JAZF1: variants seen among roughly 807,000 people sequenced by gnomAD.
JAZF1 encodes the protein juxtaposed with another zinc finger protein 1.
In JAZF1, 8 loss-of-function variants were observed where a neutral mutation model predicts 26.4. That is an observed-to-expected ratio of 0.30 (90% CI 0.18 to 0.55). The LOEUF (loss-of-function observed/expected upper bound fraction) is 0.55, where lower values mean the gene tolerates loss of function less well. Ranked by LOEUF, JAZF1 falls within the 20% of genes least tolerant of loss-of-function variation. The pLI is 0.94. For synonymous variants in JAZF1, 126 were observed against 122.3 expected (o/e 1.03, Z -0.20); for missense variants, 199 against 322.0 (o/e 0.62, Z 2.92).
At chr7:28,130,453 A>T (rs1164136235) in intron 1 of JAZF1, among the ~76,000 whole-genome samples, 1 of 152,202 alleles carries the variant, frequency 6.6e-6, no homozygotes, top group Non-Finnish European at 1.5e-5. Flanking sequence ...AAACTCTTGC[A>T]TGTTTATAAA....
intron 2 of JAZF1, among the ~76,000 whole-genome samples, chr7:27,944,913 A>G (rs1344384081): frequency 2.0e-5 from 3 of 152,210 alleles, no homozygotes; most frequent in African/African-American, 4.8e-5. Context: ...CCTAATTTCT[A>G]TTTCTCTAAG....
chr7:28,142,097 A>G (rs1192849931), intron 1 of JAZF1, among the ~76,000 whole-genome samples: 1 of 152,200 alleles, frequency 6.6e-6, no homozygotes, highest in Non-Finnish European at 1.5e-5. Flanking sequence ...ATTAATTTAA[A>G]AATATTAGGA....
chr7:27,896,941 T>C (rs967152548), intron 2 of JAZF1, among the ~76,000 whole-genome samples: 1 of 152,248 alleles, frequency 6.6e-6, no homozygotes, highest in African/African-American at 2.4e-5. Flanking sequence ...CAAAAGAGAA[T>C]TGTTTGCACC....
intron 1 of JAZF1, among the ~76,000 whole-genome samples, chr7:28,067,833 C>T (rs924741257): frequency 3.9e-5 from 6 of 152,136 alleles, no homozygotes; most frequent in African/African-American, 7.2e-5. Flanking sequence ...AGTGCCGAGG[C>T]GAGGAACAGA....
chr7:27,895,322 C>T lies in JAZF1; in HGVS notation c.283G>A (p.Gly95Arg). ...TGGCGTGGGGGAGTGGACACATTCC[C>T]TCGAGACACTGAGCTGGACAGAGTC... ...SLTLSSSVSR[G>R]NVSTPPRHSS... The change falls in exon 3 of 5, where the codon GGG (glycine) becomes AGG (arginine). Residue 95 changes from glycine (G) to arginine (R), a missense_variant. By Grantham distance (125) the Gly-to-Arg change is moderately radical (BLOSUM62 -2). Around this residue, in one of 2 missense-constraint regions of JAZF1, gnomAD observed 137 missense variants for 184.8 expected, o/e 0.74. Transcript: ENST00000283928. The T allele has an allele frequency of 2.5e-6, 4 of 1,611,596 alleles. No individual in the cohort carries two copies. Among genetic ancestry groups the T allele is most frequent in the Non-Finnish European group, 3.4e-6 (4 of 1,179,020 alleles).
chr7:27,968,018 G>T (rs1218963862), intron 2 of JAZF1, among the ~76,000 whole-genome samples: 11 of 152,192 alleles, frequency 7.2e-5, no homozygotes, highest in African/African-American at 2.4e-4. Context: ...ACTGGGAAAA[G>T]AATATTCATA....
intron 1 of JAZF1, among the ~76,000 whole-genome samples, chr7:27,996,716 A>G (rs374301445): frequency 1.3e-5 from 2 of 152,204 alleles, no homozygotes; most frequent in African/African-American, 4.8e-5. Flanking sequence ...TCCTAGTGCT[A>G]GCACTGCAAT....
At chr7:27,856,811 A>G (rs1275410617) in intron 3 of JAZF1, among the ~76,000 whole-genome samples, 1 of 152,218 alleles carries the variant, frequency 6.6e-6, no homozygotes, top group Non-Finnish European at 1.5e-5. Context: ...AGTCCCCACC[A>G]GAGTAACTAG....
chr7:28,178,774 G>A (rs1477073033), intron 1 of JAZF1, among the ~76,000 whole-genome samples: 2 of 152,148 alleles, frequency 1.3e-5, no homozygotes, highest in Admixed American at 6.5e-5. Flanking sequence ...ACCAAAACTT[G>A]CCCAGCTCTT....
intron 1 of JAZF1, among the ~76,000 whole-genome samples, chr7:28,011,689 A>G (rs752344444): frequency 3.4e-4 from 52 of 152,210 alleles, no homozygotes; most frequent in Non-Finnish European, 6.0e-4. Context: ...TGACCCAGAG[A>G]TCAAATCAAA....
intron 1 of JAZF1, among the ~76,000 whole-genome samples, chr7:28,107,288 A>C (rs1784567877): frequency 6.6e-6 from 1 of 152,198 alleles, no homozygotes; most frequent in South Asian, 2.1e-4. Context: ...ACTTTTGTGT[A>C]TTTCAAAAAC....
At chr7:27,893,511 C>A (rs1784010084) in intron 3 of JAZF1, among the ~76,000 whole-genome samples, 1 of 152,218 alleles carries the variant, frequency 6.6e-6, no homozygotes, top group African/African-American at 2.4e-5. Context: ...GGCTGTCCCC[C>A]TCCATGGAGC....
chr7:27,966,488 G>T (rs117230183), intron 2 of JAZF1, among the ~76,000 whole-genome samples: 3 of 152,288 alleles, frequency 2.0e-5, no homozygotes, highest in African/African-American at 7.2e-5. Flanking sequence ...CACAATTCAA[G>T]GCTGACCCTG....
At chr7:28,001,216 T>A (rs1280008384) in intron 1 of JAZF1, among the ~76,000 whole-genome samples, 4 of 151,784 alleles carry the variant, frequency 2.6e-5, no homozygotes, top group African/African-American at 9.7e-5. Context: ...TAGCCAGGCA[T>A]GGTGGCGTGC....
intron 1 of JAZF1, among the ~76,000 whole-genome samples, chr7:28,090,825 T>G (rs1334951705): frequency 6.8e-6 from 1 of 146,022 alleles, no homozygotes; most frequent in African/African-American, 2.5e-5. Context: ...TTGTTTTTTT[T>G]TTTTTTTTTT....
intron 3 of JAZF1, among the ~76,000 whole-genome samples, chr7:27,858,402 A>G (rs1329285862): frequency 6.6e-6 from 1 of 152,202 alleles, no homozygotes; most frequent in East Asian, 1.9e-4. Context: ...ATATGGAACC[A>G]AAAAAGGGCC....
chr7:28,155,780 T>C lies in JAZF1; in HGVS notation c.115+24683A>G, dbSNP rs138686244. 8.4e-3 allele frequency among the ~76,000 whole-genome samples: 1,285 copies of C among 152,272 alleles called. 24 individuals carry two copies. The highest frequency in any genetic ancestry group is 0.03 in the African/African-American group (1,239 of 41,554). On this transcript the variant is annotated intron_variant, in intron 1 of 4. Coordinates refer to ENST00000283928, the MANE Select transcript of JAZF1 (RefSeq NM_175061.4). ...ACAGCACAGAATGTATGTGTGTGTC[T>C]GTGTGTGTGTGCACGCGCACATGGG...
intron 2 of JAZF1, among the ~76,000 whole-genome samples, chr7:27,907,199 T>C (rs1033597164): frequency 2.0e-5 from 3 of 152,206 alleles, no homozygotes; most frequent in Non-Finnish European, 4.4e-5. Flanking sequence ...CTTCTCATCT[T>C]GGGGTCCTCC....
At chr7:27,914,370 G>C (rs1784410302) in intron 2 of JAZF1, among the ~76,000 whole-genome samples, 1 of 152,126 alleles carries the variant, frequency 6.6e-6, no homozygotes, top group African/African-American at 2.4e-5. Context: ...GCCAACTGTG[G>C]GGAGTATGTT....
Sources: allele counts gnomAD v4.1 joint callset (sites outside exome capture counted in the v4.1 genomes callset), GRCh38; gene constraint gnomAD v4.1.1; regional missense constraint gnomAD v4.1.1; transcripts MANE v1.5; gene names NCBI Gene and HGNC (gene_info 2026-07-23, HGNC 2026-07-21).